The following LYPD6B variants were observed in gnomAD, a reference collection of about 807,000 sequenced individuals.
LYPD6B encodes LY6/PLAUR domain containing 6B, also known as ly6/PLAUR domain-containing protein 6B.
Under a neutral mutation model 22.8 loss-of-function variants are expected in LYPD6B, and 17 were observed. That is an observed-to-expected ratio of 0.75 (90% CI 0.51 to 1.12). LYPD6B has a LOEUF of 1.12. Ranked by LOEUF, LYPD6B falls within the 50% of genes most tolerant of loss-of-function variation. LYPD6B has a pLI of 0.00. For synonymous variants in LYPD6B, 106 were observed against 91.6 expected (o/e 1.16, Z -0.90); for missense variants, 221 against 258.3 (o/e 0.86, Z 0.99).
intron 1 of LYPD6B, among the ~76,000 whole-genome samples, chr2:149,103,947 T>G (rs1408894334): frequency 2.0e-5 from 3 of 151,840 alleles, no homozygotes; most frequent in Non-Finnish European, 4.4e-5. Flanking sequence ...CAGCTAATTT[T>G]TTATATTTTT....
chr2:149,173,234 G>A (rs1005252980), intron 3 of LYPD6B, among the ~76,000 whole-genome samples: 11 of 150,910 alleles, frequency 7.3e-5, no homozygotes, highest in African/African-American at 1.9e-4. Flanking sequence ...TCATATAGAC[G>A]AATTGCTAAC....
intron 1 of LYPD6B, among the ~76,000 whole-genome samples, chr2:149,087,534 C>G (rs774144380): frequency 6.6e-6 from 1 of 152,064 alleles, no homozygotes; most frequent in Non-Finnish European, 1.5e-5. Flanking sequence ...TCGCCGCACT[C>G]TAGCCTGGGC....
At chr2:149,119,240 A>G (rs538864915) in intron 1 of LYPD6B, 82 of 152,366 alleles carry the variant, frequency 5.4e-4, no homozygotes, top group African/African-American at 1.8e-3. Context: ...CAATATTTCA[A>G]GTTAATATGT....
At chr2:149,098,659 G>A (rs1160634663) in intron 1 of LYPD6B, among the ~76,000 whole-genome samples, 2 of 123,830 alleles carry the variant, frequency 1.6e-5, no homozygotes. Context: ...AGAAAAAAAT[G>A]GCTTTGGTTT....
intron 1 of LYPD6B, among the ~76,000 whole-genome samples, chr2:149,084,624 G>A (rs1418729096): frequency 6.6e-6 from 1 of 152,168 alleles, no homozygotes; most frequent in Non-Finnish European, 1.5e-5. Flanking sequence ...CTTGTTGCTA[G>A]CAGGAGTCAT....
chr2:149,044,530 A>C (rs557792681), intron 1 of LYPD6B, among the ~76,000 whole-genome samples: 1 of 152,168 alleles, frequency 6.6e-6, no homozygotes, highest in Admixed American at 6.5e-5. Flanking sequence ...TTATCTGTGA[A>C]TAGAGACAGT....
intron 1 of LYPD6B, among the ~76,000 whole-genome samples, chr2:149,061,941 T>C (rs1452512675): frequency 6.6e-6 from 1 of 152,100 alleles, no homozygotes; most frequent in Non-Finnish European, 1.5e-5. Context: ...GAGCATTTTT[T>C]CAGGGATAGG....
In LYPD6B at chr2:149,156,495, A is replaced by G. The variant is rs73017064; in HGVS notation, c.6-4269A>G. ...TTAAACAAGAGAAATTTGTTTTCTCACACTTCTGGAGGCTGGAAGTTCAAA... is the reference window on the plus strand; with the variant it reads ...TTAAACAAGAGAAATTTGTTTTCTCGCACTTCTGGAGGCTGGAAGTTCAAA... On this transcript the variant is annotated intron_variant, in intron 2 of 6. Transcript: ENST00000409642. 2.3e-3 allele frequency among the ~76,000 whole-genome samples: 356 copies of G among 152,292 alleles called. 2 individuals are homozygous for G. The highest frequency in any genetic ancestry group is 8.2e-3 in the African/African-American group (341 of 41,562).
intron 1 of LYPD6B, among the ~76,000 whole-genome samples, chr2:149,083,925 C>CA (rs529003265): frequency 8.8e-4 from 131 of 148,394 alleles, no homozygotes; most frequent in Admixed American, 1.2e-3. Flanking sequence ...AATAAAAAAA[C>CA]AAAAAACAAC....
intron 2 of LYPD6B, among the ~76,000 whole-genome samples, chr2:149,147,318 G>C (rs995768561): frequency 2.0e-5 from 3 of 152,212 alleles, no homozygotes; most frequent in Non-Finnish European, 2.9e-5. Flanking sequence ...TTGTGATAAA[G>C]AGGGTAACCC....
chr2:149,194,200 C>T (rs1368562454), intron 3 of LYPD6B, among the ~76,000 whole-genome samples: 1 of 152,168 alleles, frequency 6.6e-6, no homozygotes, highest in East Asian at 1.9e-4. Flanking sequence ...TAGCATAAAT[C>T]TAGTTGTTGG....
intron 5 of LYPD6B, among the ~76,000 whole-genome samples, 163 bp downstream of exon 5, chr2:149,208,575 A>G (rs1383422761): frequency 1.3e-5 from 2 of 152,174 alleles, no homozygotes; most frequent in African/African-American, 4.8e-5. Context: ...CTCTAACTGA[A>G]GTTGAGTACC....
chr2:149,050,436 A>G (rs1339645893), intron 1 of LYPD6B, among the ~76,000 whole-genome samples: 2 of 152,156 alleles, frequency 1.3e-5, no homozygotes, highest in Non-Finnish European at 2.9e-5. Flanking sequence ...ATATTACATC[A>G]TTGGTATCGT....
At position 149,190,385 on chromosome 2, in the gene LYPD6B, C is replaced by G. The variant is rs140342903; in HGVS notation, c.78-14868C>G. Among the ~76,000 whole-genome samples, 449 of 152,222 alleles carry G rather than the reference C, an allele frequency of 2.9e-3. 2 individuals are homozygous for G. The highest frequency in any genetic ancestry group is 0.01 in the Middle Eastern group (3 of 294). ...ATTACACACAGTGCTACAATGATAT[C>G]ATGCCAATGTATCATTGTACATGTA... On this transcript the variant is annotated intron_variant, in intron 3 of 6. Coordinates refer to ENST00000409642, the MANE Select transcript of LYPD6B (RefSeq NM_177964.5).
intron 1 of LYPD6B, among the ~76,000 whole-genome samples, chr2:149,120,726 A>C (rs1016491051): frequency 1.3e-5 from 2 of 148,910 alleles, no homozygotes; most frequent in African/African-American, 5.0e-5. Context: ...GCACGTCCAA[A>C]TATGTGTTCT....
chr2:149,068,014 A>T (rs1405925596), intron 1 of LYPD6B, among the ~76,000 whole-genome samples: 1 of 152,166 alleles, frequency 6.6e-6, no homozygotes, highest in Non-Finnish European at 1.5e-5. Flanking sequence ...TGAGTGGGGA[A>T]CACCTCACCA....
At chr2:149,040,712 G>A (rs1455563185) in intron 1 of LYPD6B, among the ~76,000 whole-genome samples, 3 of 152,164 alleles carry the variant, frequency 2.0e-5, no homozygotes, top group Non-Finnish European at 4.4e-5. Flanking sequence ...AACAGGACAT[G>A]TTCATTTTAC....
chr2:149,165,128 G>T (rs913242459), intron 3 of LYPD6B, among the ~76,000 whole-genome samples: 3 of 152,130 alleles, frequency 2.0e-5, no homozygotes, highest in Non-Finnish European at 4.4e-5. Flanking sequence ...TCTGCCACAT[G>T]GTCTGCCCCT....
chr2:149,143,931 A>G (rs775077032), intron 2 of LYPD6B: 2 of 152,250 alleles, frequency 1.3e-5, no homozygotes, highest in Admixed American at 6.5e-5. Context: ...AAGCCAGTGG[A>G]CAGCCACGGC....
Sources: allele counts gnomAD v4.1 joint callset (sites outside exome capture counted in the v4.1 genomes callset), GRCh38; gene constraint gnomAD v4.1.1; transcripts MANE v1.5; gene names NCBI Gene and HGNC (gene_info 2026-07-23, HGNC 2026-07-21).